The following ZSWIM7 variants were observed in gnomAD, a reference collection of about 807,000 sequenced individuals.
ZSWIM7 encodes zinc finger SWIM-type containing 7.
A neutral mutation model predicts 21.1 loss-of-function variants in ZSWIM7; 22 were observed. That is an observed-to-expected ratio of 1.04 (90% CI 0.74 to 1.49). The LOEUF (loss-of-function observed/expected upper bound fraction) is 1.49. Ranked by LOEUF, ZSWIM7 falls within the 40% of genes most tolerant of loss-of-function variation. The pLI is 0.00. For synonymous variants in ZSWIM7, 67 were observed against 66.5 expected, an observed-to-expected ratio of 1.01 and a Z score of -0.04; for missense variants, 193 against 168.0, an observed-to-expected ratio of 1.15 and a Z score of -0.82.
At chr17:15,987,915 T>C (rs1672535594) in intron 2 of ZSWIM7, among the ~76,000 whole-genome samples, 1 of 151,998 alleles carries the variant, frequency 6.6e-6, no homozygotes, top group African/African-American at 2.4e-5. Flanking sequence ...TGGCCTGTAT[T>C]ATATTTTTAA....
At chr17:15,982,382 T>G (rs553411114) in intron 3 of ZSWIM7, among the ~76,000 whole-genome samples, 2 of 152,324 alleles carry the variant, frequency 1.3e-5, no homozygotes, top group African/African-American at 4.8e-5. Flanking sequence ...TATAATGAAC[T>G]GCCACTTAGG....
chr17:15,978,261 G>A, intron 4 of ZSWIM7, 98 bp from the exon 5 acceptor site: 1 of 860,462 alleles, frequency 1.2e-6, no homozygotes, highest in South Asian at 1.4e-5. Context: ...GGCAGGAGAA[G>A]ACTAGAGCAT....
Position 15,978,062 on chromosome 17 carries a change from C to G in ZSWIM7, c.408G>C (p.Lys136Asn). 6.2e-7 allele frequency: 1 copy of G among 1,613,214 alleles called. No homozygotes were observed. The highest frequency in any genetic ancestry group is 8.5e-7 in the Non-Finnish European group (1 of 1,179,328). Residue 136 changes from lysine (K) to asparagine (N), a missense_variant, in exon 5 of 5, where the codon AAG becomes AAC. Physicochemically the swap from Lys to Asn is moderately conservative, Grantham distance 94. Coordinates refer to ENST00000399277, the MANE Select transcript of ZSWIM7 (RefSeq NM_001042697.2). ...TCTGTACCTTTTATGCTTCTTGTTTCTTCTCCATCAATAATATGTCAGTCA... is the reference window on the plus strand; with the variant it reads ...TCTGTACCTTTTATGCTTCTTGTTTGTTCTCCATCAATAATATGTCAGTCA... ...KQLTDILLME[K>N]KQEA
chr17:15,999,229 G>T, intron 1 of ZSWIM7: 1 of 559,800 alleles, frequency 1.8e-6, no homozygotes, highest in Non-Finnish European at 3.2e-6. Context: ...CAGCGACCCG[G>T]CCAGCTCTCA....
Position 15,987,312 on chromosome 17 carries a change from T to A in ZSWIM7, c.155A>T (p.Gln52Leu). ...ATQALDLVDR[Q>L]SITLISSPSG... is the part of the protein sequence containing the mutation. ...GGGTGATGAGATTAAGGTGATGGAC[T>A]GTCGATCAACTAGGTCCAAGGCCTG... The change falls in exon 3 of 5, where the codon CAG (glutamine) becomes CTG (leucine). Residue 52 changes from glutamine to leucine, a missense_variant. Physicochemically the swap from Gln to Leu is moderately radical, Grantham distance 113. Transcript: ENST00000399277. The A allele has an allele frequency of 6.2e-7, 1 of 1,613,850 alleles. No homozygotes were observed. The highest frequency in any genetic ancestry group is 8.5e-7 in the Non-Finnish European group (1 of 1,179,882).
rs779303029 is a variant in ZSWIM7 at position 15,981,091 on chromosome 17, AC to A, written c.254del (p.Cys85PhefsTer27). ...TYTCLASCHYCSCPAFAFSVL... is the reference protein window; with the variant it reads ...TYTCLASCHYXSCPAFAFSVL... ...CTGAGAATGCAAATGCAGGACATGA[AC>A]AGTAATGACAAGAAGCCAAACATGT... On this transcript the variant is annotated frameshift_variant, in exon 4 of 5. Transcript: ENST00000399277. LOFTEE classifies it high-confidence loss of function. 3 of 1,614,004 alleles carry A rather than the reference AC, an allele frequency of 1.9e-6. No individual in the cohort carries two copies. The highest frequency in any genetic ancestry group is 2.5e-6 in the Non-Finnish European group (3 of 1,179,930).
rs1488123962 is a variant in ZSWIM7, at chr17:15,979,821, G to A, written c.306+1219C>T. Reference sequence around the variant, plus strand: ...TGACCCCCCCACCTCCCTCCCGGACGGGGGGCTGACCCCCCCACCTCCCTC... The same window carrying A: ...TGACCCCCCCACCTCCCTCCCGGACAGGGGGCTGACCCCCCCACCTCCCTC... On this transcript the variant is annotated intron_variant, in intron 4 of 4. Transcript: ENST00000399277. Among the ~76,000 whole-genome samples the A allele has an allele frequency of 4.1e-5, 5 of 123,006 alleles. No homozygotes were observed. The East Asian group carries it at 6.9e-4, about 17-fold the overall frequency. The allele number at this position is 123,006 out of a possible 152,430, so 80.7% of individuals were successfully genotyped here.
chr17:15,980,309 G>C (rs956362397), intron 4 of ZSWIM7: 15 of 152,372 alleles, frequency 9.8e-5, no homozygotes, highest in African/African-American at 3.4e-4. Context: ...AAGGGGTTTT[G>C]GTTCAATCCT....
chr17:15,988,243 T>G (rs1970439892), intron 2 of ZSWIM7, among the ~76,000 whole-genome samples: 1 of 152,204 alleles, frequency 6.6e-6, no homozygotes, highest in Admixed American at 6.5e-5. Flanking sequence ...AGACTTCTTT[T>G]GGCAACTTGC....
At chr17:15,995,944 G>A (rs2151632111) in intron 1 of ZSWIM7, among the ~76,000 whole-genome samples, 2 of 151,942 alleles carry the variant, frequency 1.3e-5, no homozygotes, top group Middle Eastern at 3.4e-3. Flanking sequence ...AGAAAAAAAA[G>A]GTCACATACA....
intron 2 of ZSWIM7, 121 bp from the exon 3 acceptor site, chr17:15,987,489 AAAT>A: frequency 1.2e-6 from 1 of 809,584 alleles, no homozygotes; most frequent in Non-Finnish European, 2.0e-6. Context: ...GAAAAAAGGA[AAAT>A]AATACAGCAA....
At chr17:15,978,186 C>CTATT in intron 4 of ZSWIM7, 23 bp from the exon 5 acceptor site, 1 of 1,578,942 alleles carries the variant, frequency 6.3e-7, no homozygotes, top group Non-Finnish European at 8.7e-7. Flanking sequence ...ACACACACAC[C>CTATT]TATTAGAAAC....
In ZSWIM7 at chr17:15,993,772, T is replaced by C. The variant is rs1002071353; in HGVS notation, c.83A>G (p.Asp28Gly). 1.3e-6 allele frequency: 2 copies of C among 1,503,266 alleles called. No homozygotes were observed. The highest frequency in any genetic ancestry group is 1.8e-6 in the Non-Finnish European group (2 of 1,088,600). 93.1% of individuals were successfully genotyped at this position (1,503,266 alleles called of 1,614,324 possible). A position where few individuals can be genotyped will look rare whatever the true frequency, so the allele number is the denominator to read the frequency against. The change falls in exon 2 of 5, where the codon GAT becomes GGT. Residue 28 changes from aspartate to glycine, a missense_variant. Transcript: ENST00000399277. ...ATGTACTTACGATAACAGATATTCA[T>C]CAGGAACTGTAAAATGAGAATGGAA... ...AAVQESARIPDEYLLSLKFLF... is the reference protein window; with the variant it reads ...AAVQESARIPGEYLLSLKFLF...
chr17:15,987,184 T>C (rs886935945), intron 3 of ZSWIM7, 82 bp downstream of exon 3: 1 of 1,126,214 alleles, frequency 8.9e-7, no homozygotes, highest in Non-Finnish European at 1.3e-6. Flanking sequence ...TATTTAAAGC[T>C]AGTCAACAGC....
At chr17:15,980,892 G>T in intron 4 of ZSWIM7, 148 bp downstream of exon 4, 1 of 520,652 alleles carries the variant, frequency 1.9e-6, no homozygotes, top group Non-Finnish European at 3.4e-6. Flanking sequence ...AAACCCCTAA[G>T]AGGTGACTAA....
chr17:15,980,806 C>G (rs1970346537), intron 4 of ZSWIM7, among the ~76,000 whole-genome samples: 1 of 152,160 alleles, frequency 6.6e-6, no homozygotes, highest in African/African-American at 2.4e-5. Context: ...CTTCTCAAAG[C>G]TTCACTCATG....
At chr17:15,996,466 G>C (rs1233055594) in intron 1 of ZSWIM7, among the ~76,000 whole-genome samples, 3 of 151,890 alleles carry the variant, frequency 2.0e-5, no homozygotes, top group African/African-American at 7.3e-5. Context: ...GGCAACAAAG[G>C]AAGACCCGTC....
chr17:15,983,888 A>G (rs576279146), intron 3 of ZSWIM7, among the ~76,000 whole-genome samples: 3 of 152,200 alleles, frequency 2.0e-5, no homozygotes, highest in East Asian at 3.9e-4. Context: ...CTCCCGGCCT[A>G]TAATTCTTGG....
intron 2 of ZSWIM7, among the ~76,000 whole-genome samples, chr17:15,991,920 T>G (rs1047242022): frequency 3.6e-4 from 51 of 141,928 alleles, no homozygotes; most frequent in African/African-American, 1.2e-3. Context: ...TTTTGTTTGT[T>G]TTGTTTTGTT....
Sources: allele counts gnomAD v4.1 joint callset (sites outside exome capture counted in the v4.1 genomes callset), GRCh38; gene constraint gnomAD v4.1.1; transcripts MANE v1.5; gene names NCBI Gene and HGNC (gene_info 2026-07-23, HGNC 2026-07-21).